Variants in BOD1L1 observed in about 807,000 individuals in gnomAD.
The protein encoded by BOD1L1 is biorientation of chromosomes in cell division protein 1-like 1.
In BOD1L1, 86 loss-of-function variants were observed where a neutral mutation model predicts 240.7. That is an observed-to-expected ratio of 0.36 (90% CI 0.30 to 0.43). BOD1L1 has a LOEUF of 0.43. Among genes scored for constraint, BOD1L1 ranks in the 20% least tolerant of loss-of-function variants. The pLI is 1.00. For missense variants in BOD1L1, 3,554 were observed against 3,643.5 expected, an observed-to-expected ratio of 0.98 and a Z score of 0.63; for synonymous variants, 1,268 against 1,272.3, an observed-to-expected ratio of 1.00 and a Z score of 0.07.
At chr4:13,620,391 T>C (rs570696187) in intron 1 of BOD1L1, among the ~76,000 whole-genome samples, 20 of 152,236 alleles carry the variant, frequency 1.3e-4, no homozygotes, top group South Asian at 4.2e-4. Flanking sequence ...AAATGTGCCA[T>C]TTGAGCTGGA....
In BOD1L1 at chr4:13,596,978, C is replaced by T. The variant is rs1251528747; in HGVS notation, c.8019+126G>A. The T allele has an allele frequency of 6.1e-5, 45 of 741,480 alleles. No homozygotes were observed. In the East Asian group the frequency reaches 1.1e-3, roughly 19 times the overall value. 45.9% of individuals were successfully genotyped at this position (741,480 alleles called of 1,614,324 possible). On this transcript the variant is annotated intron_variant, in intron 11 of 25. Transcript: ENST00000040738. ...TTCCCCCCACAGGATATGGCAATAA[C>T]AACACTAAATATCATAAGTACAATG...
At chr4:13,585,373 T>C (rs1435145526) in intron 17 of BOD1L1, among the ~76,000 whole-genome samples, 2 of 151,924 alleles carry the variant, frequency 1.3e-5, no homozygotes, top group African/African-American at 4.8e-5. Context: ...TTTATAAAAA[T>C]ATAAATTAGA....
At chr4:13,612,812 G>T (rs981802009) in intron 5 of BOD1L1, among the ~76,000 whole-genome samples, 5 of 152,132 alleles carry the variant, frequency 3.3e-5, no homozygotes, top group Admixed American at 6.5e-5. Flanking sequence ...GACCTCTAGA[G>T]GGGGTAGAGA....
chr4:13,614,514 G>A lies in BOD1L1; in HGVS notation c.856C>T (p.Pro286Ser), dbSNP rs758615292. Residue 286 changes from proline (P) to serine (S), a missense_variant, in exon 4 of 26, where the codon CCA becomes TCA. By Grantham distance (74) the Pro-to-Ser change is moderately conservative. Around this residue, in one of 2 missense-constraint regions of BOD1L1, gnomAD observed 3,393 missense variants for 3,427.1 expected, o/e 0.99. Coordinates refer to ENST00000040738, the MANE Select transcript of BOD1L1 (RefSeq NM_148894.3). The part of the protein sequence containing the change: ...KSEEFSDLPC[P>S]VEEIKNYTKE... The stretch of plus-strand genomic sequence containing the variant: ...GTGTAATTTTTAATTTCTTCGACTG[G>A]ACAGGGGAGGTCGCTGAACTCTTCA... The A allele has an allele frequency of 1.2e-6, 2 of 1,613,888 alleles. No individual in the cohort carries two copies. Among genetic ancestry groups the A allele is most frequent in the East Asian group, 2.2e-5 (1 of 44,880 alleles).
intron 21 of BOD1L1, 141 bp from the exon 22 acceptor site, chr4:13,580,114 TAAGTATACCTAGCA>T: frequency 1.7e-6 from 1 of 605,236 alleles, no homozygotes; most frequent in South Asian, 2.2e-5. Flanking sequence ...TGTAATTGAT[TAAGTATACCTAGCA>T]AACATGGATG....
rs368403929 is a variant in BOD1L1, at chr4:13,582,623, C to T, written c.8518+29G>A. On this transcript the variant is annotated intron_variant, in intron 18 of 25. Transcript: ENST00000040738. Reference sequence around the variant, plus strand: ...ACGCTGGCTGCTTTGAAGGCTCAGTCAATTTACCCAAGCAGATATTTTACT... The same window carrying T: ...ACGCTGGCTGCTTTGAAGGCTCAGTTAATTTACCCAAGCAGATATTTTACT... The T allele has an allele frequency of 3.3e-6, 5 of 1,526,910 alleles. No individual in the cohort carries two copies. In the South Asian group the frequency reaches 3.4e-5, roughly 10 times the overall value. 94.6% of individuals were successfully genotyped at this position (1,526,910 alleles called of 1,614,324 possible). A position where few individuals can be genotyped will look rare whatever the true frequency, so the allele number is the denominator to read the frequency against.
intron 10 of BOD1L1, among the ~76,000 whole-genome samples, chr4:13,597,750 A>G (rs1714739316): frequency 1.3e-5 from 2 of 152,208 alleles, no homozygotes; most frequent in Non-Finnish European, 2.9e-5. Flanking sequence ...AGGAGGAATG[A>G]GTAATTGTAG....
In BOD1L1 at chr4:13,604,681, G is replaced by A; in HGVS notation, c.2219C>T (p.Ser740Phe). Residue 740 changes from serine to phenylalanine, a missense_variant, in exon 10 of 26, where the codon TCT becomes TTT. Ser to Phe is a radical substitution (Grantham distance 155). Around this residue, in one of 2 missense-constraint regions of BOD1L1, gnomAD observed 3,393 missense variants for 3,427.1 expected, o/e 0.99. Transcript: ENST00000040738. ...ATCACCTTTATATTTATGTTTCACAGACAATTTGTCTTCCGATGGAGTTTT... is the reference window on the plus strand; with the variant it reads ...ATCACCTTTATATTTATGTTTCACAAACAATTTGTCTTCCGATGGAGTTTT... ...REKTPSEDKL[S>F]VKHKYKGDCM... 1.9e-6 allele frequency: 3 copies of A among 1,593,020 alleles called. No homozygotes were observed. The highest frequency in any genetic ancestry group is 2.6e-6 in the Non-Finnish European group (3 of 1,174,682).
At position 13,597,152 on chromosome 4, in the gene BOD1L1, T is replaced by C. The variant is rs907602272; in HGVS notation, c.7971A>G (p.Pro2657=). The C allele has an allele frequency of 2.5e-6, 4 of 1,594,230 alleles. No individual in the cohort carries two copies. Among genetic ancestry groups the C allele is most frequent in the Non-Finnish European group, 3.4e-6 (4 of 1,169,136 alleles). The change falls in exon 11 of 26, where the codon CCA becomes CCG. Residue 2657 remains proline, a synonymous_variant. Transcript: ENST00000040738. ...GTTTCAATCCTCCCAAAACATTCAA[T>C]GGAGACTCTTCATTGCCTAATAAAA... The part of the protein sequence containing the change: ...NVCDIGNEES[P]LNVLGGLKLK...
chr4:13,572,128 C>T (rs1162666598), intron 25 of BOD1L1, among the ~76,000 whole-genome samples: 1 of 152,192 alleles, frequency 6.6e-6, no homozygotes, highest in Non-Finnish European at 1.5e-5. Context: ...TGTGGCATCT[C>T]AAGTGCCCAG....
rs775411763 is a variant in BOD1L1, at chr4:13,603,522, T to C, written c.3378A>G (p.Pro1126=). 1.1e-5 allele frequency: 18 copies of C among 1,613,822 alleles called. No homozygotes were observed. Among genetic ancestry groups the C allele is most frequent in the Non-Finnish European group, 1.4e-5 (17 of 1,179,852 alleles). ...EQEPMEIDSE[P]GVENVFEVSK... is the part of the protein sequence containing the mutation. ...ATACTTCAAACACATTTTCAACACC[T>C]GGCTCAGAATCAATTTCCATTGGCT... The change falls in exon 10 of 26, where the codon CCA becomes CCG. Residue 1126 remains proline (P), a synonymous_variant. Coordinates refer to ENST00000040738, the MANE Select transcript of BOD1L1 (RefSeq NM_148894.3).
rs547628941 is a variant in BOD1L1, at chr4:13,623,312, G to C, written c.244-3245C>G. 213 of 152,198 alleles carry C rather than the reference G, an allele frequency of 1.4e-3. 1 individual carries two copies. The highest frequency in any genetic ancestry group is 4.9e-3 in the African/African-American group (205 of 41,512). The allele number at this position is 152,198 out of a possible 1,614,324, so 9.4% of individuals were successfully genotyped here. A position where few individuals can be genotyped will look rare whatever the true frequency, so the allele number is the denominator to read the frequency against. ...TGAATGTTTGTTGGGTGAATAAATT[G>C]ACCAGGGGCCATTTATAACTAAGAA... On this transcript the variant is annotated intron_variant, in intron 1 of 25. Coordinates refer to ENST00000040738, the MANE Select transcript of BOD1L1 (RefSeq NM_148894.3).
chr4:13,572,919 G>A lies in BOD1L1; in HGVS notation c.9039-2791C>T, dbSNP rs1712335697. The A allele has an allele frequency of 6.7e-6, 8 of 1,187,012 alleles. No homozygotes were observed. In the Admixed American group the frequency reaches 2.1e-4, roughly 31 times the overall value. 73.5% of individuals were successfully genotyped at this position (1,187,012 alleles called of 1,614,324 possible). Reference sequence around the variant, plus strand: ...CCCTGGAACTCTGTAGGAAGTATGAGGCTCCTTGTGGGCAAGTCAGAACAA... The same window carrying A: ...CCCTGGAACTCTGTAGGAAGTATGAAGCTCCTTGTGGGCAAGTCAGAACAA... On this transcript the variant is annotated intron_variant, in intron 25 of 25. Coordinates refer to ENST00000040738, the MANE Select transcript of BOD1L1 (RefSeq NM_148894.3).
At chr4:13,589,724 C>G (rs950483382) in intron 14 of BOD1L1, among the ~76,000 whole-genome samples, 3 of 152,086 alleles carry the variant, frequency 2.0e-5, no homozygotes, top group Non-Finnish European at 4.4e-5. Flanking sequence ...GTATGTGAAG[C>G]AAATATACTA....
At chr4:13,619,336 T>A (rs1317238349) in intron 2 of BOD1L1, among the ~76,000 whole-genome samples, 2 of 148,244 alleles carry the variant, frequency 1.3e-5, no homozygotes, top group Non-Finnish European at 3.0e-5. Context: ...TAGAAGACCG[T>A]AAATCTAGTT....
chr4:13,595,390 T>C (rs967318657), intron 12 of BOD1L1, among the ~76,000 whole-genome samples: 1 of 152,200 alleles, frequency 6.6e-6, no homozygotes, highest in Non-Finnish European at 1.5e-5. Flanking sequence ...GTGAAGAATG[T>C]TGCACAGAGA....
chr4:13,623,598 T>A (rs1388129402), intron 1 of BOD1L1: 1 of 152,282 alleles, frequency 6.6e-6, no homozygotes, highest in Non-Finnish European at 1.5e-5. Flanking sequence ...AAGGGCTGAT[T>A]TGGTCTGTTA....
chr4:13,617,800 A>C (rs1716731202), intron 2 of BOD1L1, among the ~76,000 whole-genome samples: 1 of 152,160 alleles, frequency 6.6e-6, no homozygotes, highest in Non-Finnish European at 1.5e-5. Flanking sequence ...GTATGTCTCA[A>C]AGCATACGTA....
rs765018273 is a variant in BOD1L1, at chr4:13,599,629, C to G, written c.7271G>C (p.Ser2424Thr). 4 of 1,614,052 alleles carry G rather than the reference C, an allele frequency of 2.5e-6. No homozygotes were observed. In the South Asian group the frequency reaches 4.4e-5, roughly 18 times the overall value. ...HKPSAGQGHP[S>T]AVCAEKEEKH... ...CTCTTCTTTTTCCGCACAAACAGCA[C>G]TTGGATGGCCTTGCCCTGCAGAGGG... Residue 2424 changes from serine to threonine, a missense_variant, in exon 10 of 26, where the codon AGT becomes ACT. Physicochemically the swap from Ser to Thr is moderately conservative, Grantham distance 58. This residue lies in a region of BOD1L1 where 3,393 missense variants were observed against 3,427.1 expected (regional missense o/e 0.99). Coordinates refer to ENST00000040738, the MANE Select transcript of BOD1L1 (RefSeq NM_148894.3).
Sources: gnomAD v4.1 joint callset for allele counts (sites outside exome capture counted in the v4.1 genomes callset) on GRCh38, gnomAD v4.1.1 for gene constraint, gnomAD v4.1.1 regional missense constraint, MANE v1.5 for transcripts, NCBI Gene and HGNC (gene_info 2026-07-23, HGNC 2026-07-21) for gene names.